CTNNA3: variants seen among roughly 807,000 people sequenced by gnomAD.
CTNNA3 encodes catenin alpha 3.
In CTNNA3, 76 loss-of-function variants were observed where a neutral mutation model predicts 95.7. The observed-to-expected ratio is 0.79, with a 90% confidence interval of 0.66 to 0.96. CTNNA3 has a LOEUF of 0.96. CTNNA3 is among the 40% of genes least tolerant of loss of function. The probability of loss-of-function intolerance (pLI) is 0.00; values close to 1 mark genes in which losing one functional copy is unlikely to be tolerated. For synonymous variants in CTNNA3, 431 were observed against 374.4 expected (o/e 1.15, Z -1.74); for missense variants, 1,191 against 1,089.8 (o/e 1.09, Z -1.31).
At position 66,636,566 on chromosome 10, in the gene CTNNA3, A is replaced by G. The variant is rs375650549; in HGVS notation, c.1282-14782T>C. ...AGGTTAAATTGTGAAATCCTTGAAGACAGAAACCATCTTACTCCTCTTTTT... is the reference window on the plus strand; with the variant it reads ...AGGTTAAATTGTGAAATCCTTGAAGGCAGAAACCATCTTACTCCTCTTTTT... On this transcript the variant is annotated intron_variant, in intron 9 of 17. Transcript: ENST00000433211. 6.6e-5 allele frequency among the ~76,000 whole-genome samples: 10 copies of G among 152,272 alleles called. No individual in the cohort carries two copies. In the East Asian group the frequency reaches 1.9e-3, roughly 29 times the overall value.
chr10:67,478,309 C>T (rs991806684), intron 5 of CTNNA3, among the ~76,000 whole-genome samples: 2 of 152,052 alleles, frequency 1.3e-5, no homozygotes, highest in African/African-American at 2.4e-5. Context: ...GAGAGCTAGA[C>T]ATCTCTAGCA....
intron 5 of CTNNA3, among the ~76,000 whole-genome samples, chr10:67,497,586 C>G (rs1212145882): frequency 6.6e-6 from 1 of 152,204 alleles, no homozygotes; most frequent in African/African-American, 2.4e-5. Context: ...ACGTCCTCTC[C>G]AGCATCTGTT....
rs2077037340 is a variant in CTNNA3 at position 65,918,766 on chromosome 10, A to G, written c.*1564T>C. ...AAATTTAACATTTCCTGCATAATTA[A>G]TAATGACCTATTAAATAGATCCTTC... is the stretch of plus-strand genomic sequence containing the variant. On this transcript the variant is annotated 3_prime_UTR_variant, in exon 18 of 18. Coordinates refer to ENST00000433211, the MANE Select transcript of CTNNA3 (RefSeq NM_013266.4). 2 of 138,230 alleles carry G rather than the reference A, an allele frequency of 1.4e-5. No individual in the cohort carries two copies. Among genetic ancestry groups the G allele is most frequent in the Admixed American group, 1.5e-4 (2 of 13,482 alleles). The allele number at this position is 138,230 out of a possible 1,614,324, so 8.6% of individuals were successfully genotyped here. A position where few individuals can be genotyped will look rare whatever the true frequency, so the allele number is the denominator to read the frequency against.
chr10:67,699,689 G>C (rs575285866), upstream of CTNNA3, among the ~76,000 whole-genome samples: 1 of 152,220 alleles, frequency 6.6e-6, no homozygotes, highest in African/African-American at 2.4e-5. Context: ...CTCCCAGCAT[G>C]AGCGACGCAG....
intron 11 of CTNNA3, among the ~76,000 whole-genome samples, chr10:66,401,946 C>T (rs1185431581): frequency 6.6e-6 from 1 of 152,036 alleles, no homozygotes. Context: ...AGGCATGAGC[C>T]ACCATACCCG....
chr10:67,113,779 T>C (rs1301552900), intron 7 of CTNNA3, among the ~76,000 whole-genome samples: 1 of 152,202 alleles, frequency 6.6e-6, no homozygotes, highest in Non-Finnish European at 1.5e-5. Flanking sequence ...ATCTACAAGG[T>C]GGAATTTGGC....
chr10:66,054,248 G>A (rs2080026213), intron 15 of CTNNA3, among the ~76,000 whole-genome samples: 1 of 152,132 alleles, frequency 6.6e-6, no homozygotes, highest in South Asian at 2.1e-4. Flanking sequence ...ATATCCAGCA[G>A]TGGGATTGAT....
intron 1 of CTNNA3, among the ~76,000 whole-genome samples, chr10:67,713,403 A>G (rs957550311): frequency 6.6e-6 from 1 of 152,234 alleles, no homozygotes; most frequent in Non-Finnish European, 1.5e-5. Flanking sequence ...AGAACCAGAA[A>G]TACCACTTGA....
At chr10:66,215,884 C>T (rs2088497810) in intron 13 of CTNNA3, among the ~76,000 whole-genome samples, 1 of 152,246 alleles carries the variant, frequency 6.6e-6, no homozygotes, top group African/African-American at 2.4e-5. Context: ...AGGAATTTCA[C>T]TGTCTCCCTC....
At chr10:67,182,955 C>T (rs1450602830) in intron 6 of CTNNA3, among the ~76,000 whole-genome samples, 2 of 152,088 alleles carry the variant, frequency 1.3e-5, no homozygotes, top group Non-Finnish European at 2.9e-5. Flanking sequence ...TCATCACTGG[C>T]CATCAGAGAA....
chr10:66,886,411 A>G (rs1845046072), intron 7 of CTNNA3, among the ~76,000 whole-genome samples: 1 of 151,994 alleles, frequency 6.6e-6, no homozygotes, highest in East Asian at 1.9e-4. Context: ...TCCAATCCCA[A>G]TGTCTGCCTT....
At position 67,613,381 on chromosome 10, in the gene CTNNA3, A is replaced by G. The variant is rs554021110; in HGVS notation, c.100-6332T>C. 5.4e-4 allele frequency among the ~76,000 whole-genome samples: 82 copies of G among 152,318 alleles called. 1 individual carries two copies. Among genetic ancestry groups the G allele is most frequent in the African/African-American group, 1.9e-3 (78 of 41,584 alleles). ...ACAGTGGTTTACTGGATGAAAAAAA[A>G]AAAAGAATAAAACCCTACATTTTAG... On this transcript the variant is annotated intron_variant, in intron 2 of 17. Transcript: ENST00000433211.
rs528614465 is a variant in CTNNA3 at position 66,194,639 on chromosome 10, T to G, written c.1884+85831A>C. 7.2e-5 allele frequency among the ~76,000 whole-genome samples: 11 copies of G among 152,220 alleles called. No individual in the cohort carries two copies. The South Asian group carries it at 2.1e-3, about 29-fold the overall frequency. On this transcript the variant is annotated intron_variant, in intron 13 of 17. Coordinates refer to ENST00000433211, the MANE Select transcript of CTNNA3 (RefSeq NM_013266.4). ...CTTACCATTGAGTGAAATTTACACA[T>G]TACAAGAATTTAAAACAGACATATG...
intron 9 of CTNNA3, among the ~76,000 whole-genome samples, chr10:66,663,589 T>C (rs1245361422): frequency 6.6e-6 from 1 of 152,100 alleles, no homozygotes; most frequent in East Asian, 1.9e-4. Flanking sequence ...ATTTTGTATC[T>C]CTCCAGTTTG....
chr10:66,878,051 C>T (rs2132459078), intron 7 of CTNNA3, among the ~76,000 whole-genome samples: 1 of 152,162 alleles, frequency 6.6e-6, no homozygotes. Flanking sequence ...TTGCCAGGCA[C>T]TCGGTTTTCG....
At chr10:66,152,560 T>C (rs2084261024) in intron 13 of CTNNA3, among the ~76,000 whole-genome samples, 1 of 151,974 alleles carries the variant, frequency 6.6e-6, no homozygotes, top group Non-Finnish European at 1.5e-5. Context: ...TTATAGACAT[T>C]AATCAAAGTC....
intron 3 of CTNNA3, among the ~76,000 whole-genome samples, chr10:67,559,486 CT>C (rs1472112015): frequency 6.6e-6 from 1 of 152,152 alleles, no homozygotes; most frequent in Non-Finnish European, 1.5e-5. Flanking sequence ...AAAAACCCAT[CT>C]GTACATGACC....
chr10:66,435,644 G>T (rs2093331565), intron 11 of CTNNA3, among the ~76,000 whole-genome samples: 1 of 152,006 alleles, frequency 6.6e-6, no homozygotes, highest in African/African-American at 2.4e-5. Flanking sequence ...TGGATTCATT[G>T]ATTTTTTGAA....
intron 7 of CTNNA3, among the ~76,000 whole-genome samples, chr10:66,858,976 C>A (rs1843794419): frequency 6.6e-6 from 1 of 151,862 alleles, no homozygotes; most frequent in South Asian, 2.1e-4. Context: ...TATCTAGACC[C>A]CATATATAGA....
Sources: gnomAD v4.1 joint callset for allele counts (sites outside exome capture counted in the v4.1 genomes callset) on GRCh38, gnomAD v4.1.1 for gene constraint, MANE v1.5 for transcripts, NCBI Gene and HGNC (gene_info 2026-07-23, HGNC 2026-07-21) for gene names.